SCN4B: variants seen among roughly 807,000 people sequenced by gnomAD.
SCN4B encodes sodium voltage-gated channel beta subunit 4.
In SCN4B, 20 loss-of-function variants were observed where a neutral mutation model predicts 19.6. That is an observed-to-expected ratio of 1.02 (90% CI 0.72 to 1.48). The LOEUF (loss-of-function observed/expected upper bound fraction) is 1.48. Ranked by LOEUF, SCN4B falls within the 40% of genes most tolerant of loss-of-function variation. The pLI is 0.00. For synonymous variants in SCN4B, 127 were observed against 122.8 expected (o/e 1.03, Z -0.22); for missense variants, 271 against 287.5 (o/e 0.94, Z 0.42).
rs1565452536 is a variant in SCN4B, at chr11:118,136,082, C to G, written c.*945G>C. ...AATGGGAGGTTGGAGGGTGCAGCCT[C>G]TCAGGTAGGAGGGGGAGAAGCAGGG... On this transcript the variant is annotated 3_prime_UTR_variant, in exon 5 of 5. Transcript: ENST00000324727. 2.7e-6 allele frequency: 1 copy of G among 376,664 alleles called. No homozygotes were observed. The highest frequency in any genetic ancestry group is 2.9e-5 in the Admixed American group (1 of 35,014). The allele number at this position is 376,664 out of a possible 1,614,324, so 23.3% of individuals were successfully genotyped here. A position where few individuals can be genotyped will look rare whatever the true frequency, so the allele number is the denominator to read the frequency against.
In SCN4B at chr11:118,135,389, A is replaced by T. The variant is rs1565451821; in HGVS notation, c.*1638T>A. On this transcript the variant is annotated 3_prime_UTR_variant, in exon 5 of 5. Transcript: ENST00000324727. ...AGGTAGACCCCAAACTCTCTGAAAA[A>T]GGGGGCTACTCCTCTCTCATCCCTC... The T allele has an allele frequency of 2.2e-6, 1 of 454,108 alleles. No individual in the cohort carries two copies. Among genetic ancestry groups the T allele is most frequent in the Admixed American group, 2.3e-5 (1 of 42,570 alleles). 28.1% of individuals were successfully genotyped at this position (454,108 alleles called of 1,614,324 possible). A position where few individuals can be genotyped will look rare whatever the true frequency, so the allele number is the denominator to read the frequency against.
At chr11:118,149,721 C>T (rs1189388046) in intron 1 of SCN4B, among the ~76,000 whole-genome samples, 21 of 152,132 alleles carry the variant, frequency 1.4e-4, no homozygotes, top group Admixed American at 7.9e-4. Context: ...TGTGTTGGCA[C>T]GGCCCACCCC....
chr11:118,137,458 G>A (rs1217865787), intron 4 of SCN4B, among the ~76,000 whole-genome samples: 1 of 152,110 alleles, frequency 6.6e-6, no homozygotes, highest in Non-Finnish European at 1.5e-5. Flanking sequence ...ATCACTTGAG[G>A]TCAGGAGTTC....
intron 1 of SCN4B, among the ~76,000 whole-genome samples, chr11:118,146,883 C>G (rs1948183729): frequency 6.6e-6 from 1 of 152,210 alleles, no homozygotes; most frequent in Non-Finnish European, 1.5e-5. Flanking sequence ...CCCAGATCTA[C>G]CCACCAGGGC....
intron 4 of SCN4B, 92 bp downstream of exon 4, chr11:118,141,115 G>C: frequency 7.0e-7 from 1 of 1,435,880 alleles, no homozygotes; most frequent in Non-Finnish European, 9.8e-7. Context: ...TGGGGGGAAG[G>C]AGGAGGCAGG....
chr11:118,135,288 G>A lies in SCN4B; in HGVS notation c.*1739C>T, dbSNP rs939528331. 6 of 453,928 alleles carry A rather than the reference G, an allele frequency of 1.3e-5. No homozygotes were observed. The East Asian group carries it at 2.8e-4, about 21-fold the overall frequency. 28.1% of individuals were successfully genotyped at this position (453,928 alleles called of 1,614,324 possible). Reference sequence around the variant, plus strand: ...TGGCCACAGCCACGGGCACCCTGCAGGTACTACTGGTCCTCAGTCTCCCCC... The same window carrying A: ...TGGCCACAGCCACGGGCACCCTGCAAGTACTACTGGTCCTCAGTCTCCCCC... On this transcript the variant is annotated 3_prime_UTR_variant, in exon 5 of 5. Coordinates refer to ENST00000324727, the MANE Select transcript of SCN4B (RefSeq NM_174934.4).
chr11:118,151,732 ATGCCGT>A (rs1283130240), intron 1 of SCN4B, among the ~76,000 whole-genome samples: 1 of 152,224 alleles, frequency 6.6e-6, no homozygotes, highest in African/African-American at 2.4e-5. Context: ...ACAGGAAGAG[ATGCCGT>A]TGCCAGAGAT....
In SCN4B at chr11:118,134,826, C is replaced by T. The variant is rs1375088121; in HGVS notation, c.*2201G>A. ...TCCAAGCCAAAAAGATGTTTTTAGACAAAACTTGCCAAGCCTCACAACAGT... is the reference window on the plus strand; with the variant it reads ...TCCAAGCCAAAAAGATGTTTTTAGATAAAACTTGCCAAGCCTCACAACAGT... On this transcript the variant is annotated 3_prime_UTR_variant, in exon 5 of 5. Coordinates refer to ENST00000324727, the MANE Select transcript of SCN4B (RefSeq NM_174934.4). The T allele has an allele frequency of 4.4e-6, 2 of 454,028 alleles. No homozygotes were observed. Among genetic ancestry groups the T allele is most frequent in the South Asian group, 1.6e-5 (1 of 64,476 alleles). 28.1% of individuals were successfully genotyped at this position (454,028 alleles called of 1,614,324 possible).
chr11:118,144,063 T>A lies in SCN4B; in HGVS notation c.235-2A>T, dbSNP rs763902528. ...ATTCTTCACAGTCCCCTCTATGAGC[T>A]GGTGGAGGAAGGGAGTTGGGGTGAG... On this transcript the variant is annotated splice_acceptor_variant, in intron 2 of 4. Transcript: ENST00000324727. LOFTEE classifies it high-confidence loss of function. 1.2e-6 allele frequency: 2 copies of A among 1,605,590 alleles called. No individual in the cohort carries two copies. The highest frequency in any genetic ancestry group is 4.5e-5 in the East Asian group (2 of 44,838).
chr11:118,142,764 G>C (rs1948115269), intron 3 of SCN4B: 1 of 152,182 alleles, frequency 6.6e-6, no homozygotes, highest in Non-Finnish European at 1.5e-5. Flanking sequence ...TAAAATCAAT[G>C]ACAGCAACTA....
intron 1 of SCN4B, among the ~76,000 whole-genome samples, chr11:118,146,794 A>G (rs1948182651): frequency 6.6e-6 from 1 of 152,228 alleles, no homozygotes; most frequent in Non-Finnish European, 1.5e-5. Context: ...GGCCTGTCCT[A>G]TGAGTCACGT....
At chr11:118,139,782 G>C (rs1948070729) in intron 4 of SCN4B, among the ~76,000 whole-genome samples, 1 of 152,124 alleles carries the variant, frequency 6.6e-6, no homozygotes, top group Non-Finnish European at 1.5e-5. Context: ...AAATTGCCTG[G>C]TGGAATTCCT....
At position 118,135,133 on chromosome 11, in the gene SCN4B, G is replaced by A; in HGVS notation, c.*1894C>T. On this transcript the variant is annotated 3_prime_UTR_variant, in exon 5 of 5. Transcript: ENST00000324727. Reference sequence around the variant, plus strand: ...GTTTTCTGAATGGCTGGTGGCTCTGGTCTGTCTGCTCCCAAAGCCAGGAAA... The same window carrying A: ...GTTTTCTGAATGGCTGGTGGCTCTGATCTGTCTGCTCCCAAAGCCAGGAAA... 6.6e-6 allele frequency: 3 copies of A among 454,112 alleles called. No individual in the cohort carries two copies. Among genetic ancestry groups the A allele is most frequent in the South Asian group, 4.7e-5 (3 of 64,476 alleles). The allele number at this position is 454,112 out of a possible 1,614,324, so 28.1% of individuals were successfully genotyped here.
chr11:118,141,557 C>T (rs1017278266), intron 3 of SCN4B: 47 of 598,472 alleles, frequency 7.9e-5, no homozygotes, highest in Non-Finnish European at 1.2e-4. Context: ...GGCCCTCTCC[C>T]CCACCCTGCA....
Position 118,134,009 on chromosome 11 carries a change from GCA to G in SCN4B, c.*3016_*3017del, listed in dbSNP as rs1214121245. Reference sequence around the variant, plus strand: ...ACGCTGCCATGCACCCACACTGCCTGCACACGCACACTCCACACAAGCACACC... The same window carrying G: ...ACGCTGCCATGCACCCACACTGCCTGCACGCACACTCCACACAAGCACACC... On this transcript the variant is annotated 3_prime_UTR_variant, in exon 5 of 5. Transcript: ENST00000324727. The G allele has an allele frequency of 2.2e-6, 1 of 454,682 alleles. No individual in the cohort carries two copies. Among genetic ancestry groups the G allele is most frequent in the Non-Finnish European group, 4.4e-6 (1 of 226,784 alleles). 28.2% of individuals were successfully genotyped at this position (454,682 alleles called of 1,614,324 possible). A position where few individuals can be genotyped will look rare whatever the true frequency, so the allele number is the denominator to read the frequency against.
intron 4 of SCN4B, 39 bp downstream of exon 4, chr11:118,141,168 G>C (rs769032979): frequency 6.2e-7 from 1 of 1,611,908 alleles, no homozygotes; most frequent in Admixed American, 1.7e-5. Context: ...AGGGTGGTGG[G>C]CTGCTGGGAG....
chr11:118,146,373 G>A (rs2946743), intron 1 of SCN4B, among the ~76,000 whole-genome samples: 82,199 of 151,022 alleles, frequency 0.54, 22,557 homozygotes, highest in Middle Eastern at 0.67. Flanking sequence ...CTCAAGGTCG[G>A]TGGAGGCGGG....
Position 118,137,100 on chromosome 11 carries a change from G to T in SCN4B, c.614C>A (p.Ser205Tyr), listed in dbSNP as rs775760115. The T allele has an allele frequency of 9.9e-6, 16 of 1,613,648 alleles. No homozygotes were observed. The highest frequency in any genetic ancestry group is 5.3e-5 in the African/African-American group (4 of 74,900). ...REKKKECLVSSSGNDNTENGL... is the reference protein window; with the variant it reads ...REKKKECLVSYSGNDNTENGL... ...GTTCTCCGTGTTGTCATTCCCCGAG[G>T]AGCTCACGAGACACTCCTTCCTGGA... is the stretch of plus-strand genomic sequence containing the variant. Residue 205 changes from serine (S) to tyrosine (Y), a missense_variant, in exon 5 of 5, where the codon TCC (serine) becomes TAC (tyrosine). Ser to Tyr is a moderately radical substitution (Grantham distance 144, BLOSUM62 -2). Coordinates refer to ENST00000324727, the MANE Select transcript of SCN4B (RefSeq NM_174934.4).
chr11:118,135,530 T>G lies in SCN4B; in HGVS notation c.*1497A>C, dbSNP rs2135495366. ...CTGCCATCCCTGGCCTCACCAATTCTGCCCAACAAGGACTCAGGAGATCCC... is the reference window on the plus strand; with the variant it reads ...CTGCCATCCCTGGCCTCACCAATTCGGCCCAACAAGGACTCAGGAGATCCC... On this transcript the variant is annotated 3_prime_UTR_variant, in exon 5 of 5. Transcript: ENST00000324727. The G allele has an allele frequency of 2.2e-6, 1 of 454,066 alleles. No homozygotes were observed. The highest frequency in any genetic ancestry group is 1.6e-5 in the South Asian group (1 of 64,468). The allele number at this position is 454,066 out of a possible 1,614,324, so 28.1% of individuals were successfully genotyped here.
Sources: gnomAD v4.1 joint callset for allele counts (sites outside exome capture counted in the v4.1 genomes callset) on GRCh38, gnomAD v4.1.1 for gene constraint, MANE v1.5 for transcripts, NCBI Gene and HGNC (gene_info 2026-07-23, HGNC 2026-07-21) for gene names.